The following TRIP12 variants were observed in gnomAD, a reference collection of about 807,000 sequenced individuals.
TRIP12 encodes the protein thyroid hormone receptor interactor 12, also known as E3 ubiquitin-protein ligase TRIP12.
TRIP12 carries 25 observed loss-of-function variants against 244.2 expected under a neutral mutation model. The observed-to-expected ratio is 0.10, with a 90% confidence interval of 0.07 to 0.14. The LOEUF (loss-of-function observed/expected upper bound fraction) is 0.14. Ranked by LOEUF, TRIP12 falls within the 10% of genes least tolerant of loss-of-function variation. TRIP12 has a pLI of 1.00. For missense variants in TRIP12, 1,677 were observed against 2,486.4 expected, an observed-to-expected ratio of 0.67 and a Z score of 6.92; for synonymous variants, 905 against 873.1, an observed-to-expected ratio of 1.04 and a Z score of -0.64.
rs576669769 is a variant in TRIP12 at position 229,838,078 on chromosome 2, CACTACAGTAAAGTGA to C, written c.1134-1109_1134-1095del. The stretch of plus-strand genomic sequence containing the variant: ...AAAGACATGTTTTAGACTAAAGTCA[CACTACAGTAAAGTGA>C]GAGAAGCAGGCACAACTGACCTACA... On this transcript the variant is annotated intron_variant, in intron 5 of 41. Coordinates refer to ENST00000675903, the MANE Select transcript of TRIP12 (RefSeq NM_001348323.3). Among the ~76,000 whole-genome samples, 4 of 152,262 alleles carry C rather than the reference CACTACAGTAAAGTGA, an allele frequency of 2.6e-5. No homozygotes were observed. In the South Asian group the frequency reaches 8.3e-4, roughly 32 times the overall value.
intron 34 of TRIP12, among the ~76,000 whole-genome samples, chr2:229,782,764 A>C (rs1041103040): frequency 3.9e-5 from 6 of 152,214 alleles, no homozygotes; most frequent in African/African-American, 1.4e-4. Context: ...TAAACTGCTA[A>C]ATCTATGATA....
At chr2:229,909,558 A>T (rs1056995956) in intron 1 of TRIP12, among the ~76,000 whole-genome samples, 205 of 132,276 alleles carry the variant, frequency 1.5e-3, no homozygotes, top group African/African-American at 6.0e-3. Flanking sequence ...GACCTTGTCT[A>T]AAAAAAAAAA....
intron 1 of TRIP12, among the ~76,000 whole-genome samples, chr2:229,911,018 C>T (rs747521924): frequency 7.9e-5 from 12 of 152,148 alleles, no homozygotes; most frequent in Non-Finnish European, 1.2e-4. Context: ...GTCAAATTCC[C>T]TTGAGACTAA....
At chr2:229,891,973 G>A (rs543458239) in intron 1 of TRIP12, among the ~76,000 whole-genome samples, 1 of 152,284 alleles carries the variant, frequency 6.6e-6, no homozygotes, top group African/African-American at 2.4e-5. Flanking sequence ...CATATTTAGA[G>A]GTCCTCAAAA....
At chr2:229,888,847 G>T (rs1385032458) in intron 1 of TRIP12, among the ~76,000 whole-genome samples, 3 of 151,996 alleles carry the variant, frequency 2.0e-5, no homozygotes, top group Admixed American at 6.6e-5. Context: ...TTCTAGAAAT[G>T]GTGGGGAAGG....
chr2:229,889,694 TA>T lies in TRIP12; in HGVS notation c.-49-9567del, dbSNP rs1303049774. ...TTTTTTAAGACTCCAACCTAATGTT[TA>T]TTTCAGTTTTTCTTCAATGGGGTAC... On this transcript the variant is annotated intron_variant, in intron 1 of 41. Transcript: ENST00000675903. Among the ~76,000 whole-genome samples the T allele has an allele frequency of 2.2e-4, 34 of 152,350 alleles. No homozygotes were observed. In the Middle Eastern group the frequency reaches 0.017, roughly 76 times the overall value.
chr2:229,770,123 A>AC lies in TRIP12; in HGVS notation c.5809-799dup, dbSNP rs201167230. On this transcript the variant is annotated intron_variant, in intron 39 of 41. Transcript: ENST00000675903. ...GTAGCTGAGACTACAGGTGCATACCACCACGCCCAGCTAATTATTTTTTTT... is the reference window on the plus strand; with the variant it reads ...GTAGCTGAGACTACAGGTGCATACCACCCACGCCCAGCTAATTATTTTTTTT... 7.0e-3 allele frequency among the ~76,000 whole-genome samples: 1,069 copies of AC among 152,234 alleles called. 8 individuals are homozygous for AC. The highest frequency in any genetic ancestry group is 0.051 in the Middle Eastern group (15 of 294).
chr2:229,827,736 C>A (rs2052122703), intron 8 of TRIP12, among the ~76,000 whole-genome samples: 1 of 152,186 alleles, frequency 6.6e-6, no homozygotes, highest in African/African-American at 2.4e-5. Context: ...CATTCTAAAT[C>A]AAGCTTGTTC....
intron 1 of TRIP12, among the ~76,000 whole-genome samples, chr2:229,912,349 G>A (rs1473813934): frequency 6.6e-6 from 1 of 152,088 alleles, no homozygotes; most frequent in Non-Finnish European, 1.5e-5. Context: ...AAATATTTTT[G>A]TACACCTTTT....
intron 5 of TRIP12, among the ~76,000 whole-genome samples, chr2:229,839,480 AT>A (rs779997022): frequency 6.6e-6 from 1 of 152,150 alleles, no homozygotes; most frequent in East Asian, 1.9e-4. Context: ...GACCGAGACC[AT>A]CCCGGTTAAC....
chr2:229,768,325 C>A (rs901172065), intron 41 of TRIP12, among the ~76,000 whole-genome samples: 1 of 152,310 alleles, frequency 6.6e-6, no homozygotes, highest in East Asian at 1.9e-4. Context: ...ATCTGAAAAA[C>A]CAGATTTTAG....
At chr2:229,840,413 T>A (rs939504170) in intron 5 of TRIP12, among the ~76,000 whole-genome samples, 17 of 152,092 alleles carry the variant, frequency 1.1e-4, no homozygotes, top group South Asian at 1.0e-3. Context: ...AATAATTTTT[T>A]AAAAATCATC....
chr2:229,902,261 C>T (rs1560242333), intron 1 of TRIP12, among the ~76,000 whole-genome samples: 1 of 152,100 alleles, frequency 6.6e-6, no homozygotes, highest in South Asian at 2.1e-4. Context: ...GTCGTGCCTA[C>T]AGTCCCAGCT....
At chr2:229,830,376 A>ATGGAACACTAT (rs748268667) in intron 7 of TRIP12, among the ~76,000 whole-genome samples, 1 of 152,218 alleles carries the variant, frequency 6.6e-6, no homozygotes, top group Non-Finnish European at 1.5e-5. Context: ...TGTTCCAATA[A>ATGGAACACTAT]TGGAACACTA....
At chr2:229,920,896 G>A (rs964266962) in intron 1 of TRIP12, among the ~76,000 whole-genome samples, 6 of 152,166 alleles carry the variant, frequency 3.9e-5, no homozygotes, top group Non-Finnish European at 7.3e-5. Context: ...TATGGAGAAG[G>A]AAGGAGAGGG....
chr2:229,802,676 T>C (rs1229183359), intron 20 of TRIP12, among the ~76,000 whole-genome samples: 1 of 152,212 alleles, frequency 6.6e-6, no homozygotes, highest in Non-Finnish European at 1.5e-5. Flanking sequence ...AATACTGATA[T>C]TGAATGTCTT....
chr2:229,775,767 C>T (rs1574795396), intron 37 of TRIP12, among the ~76,000 whole-genome samples: 1 of 151,590 alleles, frequency 6.6e-6, no homozygotes, highest in Admixed American at 6.6e-5. Flanking sequence ...TGAGCCAGGA[C>T]AACTTGCCCC....
At chr2:229,786,474 C>T (rs1259315917) in intron 33 of TRIP12, among the ~76,000 whole-genome samples, 3 of 150,828 alleles carry the variant, frequency 2.0e-5, no homozygotes, top group South Asian at 2.1e-4. Flanking sequence ...CTCAGCTCAC[C>T]GCAACCTCCA....
chr2:229,844,325 G>A (rs2057131945), intron 4 of TRIP12, among the ~76,000 whole-genome samples: 1 of 152,124 alleles, frequency 6.6e-6, no homozygotes, highest in African/African-American at 2.4e-5. Context: ...AGAAATGTCT[G>A]CCTACTTAAA....
Sources: allele counts gnomAD v4.1 joint callset (sites outside exome capture counted in the v4.1 genomes callset), GRCh38; gene constraint gnomAD v4.1.1; transcripts MANE v1.5; gene names NCBI Gene and HGNC (gene_info 2026-07-23, HGNC 2026-07-21).